The following PHF6 variants were observed in gnomAD, a reference collection of about 807,000 sequenced individuals.
PHF6 encodes the protein PHD finger protein 6, also known as PHD-like zinc finger protein.
PHF6 carries 7 observed loss-of-function variants against 34.0 expected under a neutral mutation model. The observed-to-expected ratio is 0.21, with a 90% CI of 0.12 to 0.39. PHF6 has a LOEUF of 0.39. PHF6 is among the 10% of genes least tolerant of loss of function. The probability of loss-of-function intolerance (pLI) is 1.00; values close to 1 mark genes in which losing one functional copy is unlikely to be tolerated. For synonymous variants in PHF6, 89 were observed against 88.4 expected (o/e 1.01, Z -0.04); for missense variants, 128 against 262.8 (o/e 0.49, Z 3.55).
At position 134,377,205 on chromosome X, in the gene PHF6, A is replaced by G. The variant is rs569974662; in HGVS notation, c.-46-367A>G. Among the ~76,000 whole-genome samples, 5 of 111,981 alleles carry G rather than the reference A, an allele frequency of 4.5e-5. No homozygotes were observed. The South Asian group carries it at 1.8e-3, about 41-fold the overall frequency. On this transcript the variant is annotated intron_variant, in intron 1 of 10. Coordinates refer to ENST00000370803, the MANE Select transcript of PHF6 (RefSeq NM_001015877.2). Reference sequence around the variant, plus strand: ...TTTGGAAGCAGTTTGATTTTTCTCAATTACTCTAAACTTCATTTAGCTGTC... The same window carrying G: ...TTTGGAAGCAGTTTGATTTTTCTCAGTTACTCTAAACTTCATTTAGCTGTC...
At chrX:134,393,878 T>G in intron 4 of PHF6, 31 bp from the exon 5 acceptor site, 1 of 1,180,011 alleles carries the variant, frequency 8.5e-7, no homozygotes, top group Non-Finnish European at 1.2e-6. Flanking sequence ...TTAGTTTGCT[T>G]ACTAATTTTT....
intron 5 of PHF6, among the ~76,000 whole-genome samples, chrX:134,411,215 G>C (rs754503825): frequency 9.0e-6 from 1 of 111,334 alleles, no homozygotes; most frequent in African/African-American, 3.3e-5. Context: ...GCCTCCCAAA[G>C]TACTGGGATT....
chrX:134,396,720 G>A (rs1477512696), intron 5 of PHF6, among the ~76,000 whole-genome samples: 3 of 110,643 alleles, frequency 2.7e-5, no homozygotes, highest in Non-Finnish European at 5.7e-5. Context: ...TTATCACATT[G>A]ATCTAGCTCA....
intron 5 of PHF6, among the ~76,000 whole-genome samples, chrX:134,404,460 G>T (rs1337774089): frequency 1.8e-5 from 2 of 112,149 alleles, no homozygotes; most frequent in African/African-American, 6.5e-5. Context: ...TCTTGAGATA[G>T]AGTGTACTTC....
At chrX:134,415,926 T>C in intron 8 of PHF6, among the ~76,000 whole-genome samples, 1 of 110,290 alleles carries the variant, frequency 9.1e-6, no homozygotes, top group Non-Finnish European at 1.9e-5. Flanking sequence ...CTAACCACAA[T>C]GTCATTATAC....
rs1246811630 is a variant in PHF6 at position 134,394,100 on chromosome X, A to G, written c.418+148A>G. ...AAGAATTGAGAAAAGTGTTAGGATA[A>G]ACTAATGTGCATAGTGAAAAAGATC... On this transcript the variant is annotated intron_variant, in intron 5 of 10. Transcript: ENST00000370803. 11 of 563,892 alleles carry G rather than the reference A, an allele frequency of 2.0e-5. No individual in the cohort carries two copies. In the East Asian group the frequency reaches 4.0e-4, roughly 21 times the overall value. 46.5% of individuals were successfully genotyped at this position (563,892 alleles called of 1,213,427 possible).
At chrX:134,412,011 C>T (rs957491638) in intron 5 of PHF6, among the ~76,000 whole-genome samples, 1 of 112,061 alleles carries the variant, frequency 8.9e-6, no homozygotes, top group East Asian at 2.8e-4. Context: ...GGATTACAGG[C>T]GTGAGCCACC....
chrX:134,413,726 G>A (rs1318372050), intron 6 of PHF6, 69 bp downstream of exon 6: 5 of 1,189,981 alleles, frequency 4.2e-6, no homozygotes, highest in Non-Finnish European at 5.7e-6. Flanking sequence ...ACTATCTATA[G>A]GTAAAGTTCA....
chrX:134,383,315 A>G (rs777467714), intron 3 of PHF6, among the ~76,000 whole-genome samples: 1 of 111,213 alleles, frequency 9.0e-6, no homozygotes, highest in African/African-American at 3.3e-5. Flanking sequence ...GTAACCTGAA[A>G]CAAGACCAGT....
chrX:134,415,852 C>CTTCG (rs1208626354), intron 8 of PHF6, among the ~76,000 whole-genome samples: 3 of 111,759 alleles, frequency 2.7e-5, no homozygotes, highest in African/African-American at 6.5e-5. Flanking sequence ...AGACCTCAGA[C>CTTCG]TTCGTATCAC....
chrX:134,390,945 C>T (rs1170728150), intron 3 of PHF6, among the ~76,000 whole-genome samples: 1 of 105,773 alleles, frequency 9.5e-6, no homozygotes, highest in South Asian at 4.3e-4. Context: ...TTTATTTAAA[C>T]ATTTTTCTTT....
rs2077475961 is a variant in PHF6, at chrX:134,417,369, G to T, written c.968+67G>T. 3 of 1,081,626 alleles carry T rather than the reference G, an allele frequency of 2.8e-6. No individual in the cohort carries two copies. The South Asian group carries it at 5.7e-5, about 21-fold the overall frequency. The allele number at this position is 1,081,626 out of a possible 1,213,427, so 89.1% of individuals were successfully genotyped here. On this transcript the variant is annotated intron_variant, in intron 9 of 10. Transcript: ENST00000370803. ...AACCGTCCTTAAATAGATGACATTA[G>T]TTTACTCAGTCTCTGTTCTTAAATG...
intron 1 of PHF6, among the ~76,000 whole-genome samples, chrX:134,374,678 C>G (rs772559368): frequency 8.9e-6 from 1 of 112,582 alleles, no homozygotes; most frequent in Non-Finnish European, 1.9e-5. Context: ...TGAATGCTCT[C>G]TCTGATGTTT....
chrX:134,395,783 A>G (rs2077374738), intron 5 of PHF6, among the ~76,000 whole-genome samples: 1 of 112,160 alleles, frequency 8.9e-6, no homozygotes, highest in Admixed American at 9.5e-5. Flanking sequence ...ATTAGTCCAG[A>G]TACTTTAAAG....
chrX:134,396,202 T>G (rs2077376824), intron 5 of PHF6, among the ~76,000 whole-genome samples: 1 of 111,680 alleles, frequency 9.0e-6, no homozygotes, highest in Non-Finnish European at 1.9e-5. Context: ...CAATCCAAGT[T>G]AAGCTGAGGA....
At chrX:134,390,966 C>CTTTTTTT (rs60513999) in intron 3 of PHF6, among the ~76,000 whole-genome samples, 2 of 92,814 alleles carry the variant, frequency 2.2e-5, no homozygotes, top group African/African-American at 3.9e-5. Context: ...TTCTTTTTTT[C>CTTTTTTT]TTTTTTTTTT....
intron 3 of PHF6, among the ~76,000 whole-genome samples, chrX:134,390,806 A>G (rs2077349798): frequency 9.0e-6 from 1 of 111,125 alleles, no homozygotes; most frequent in Non-Finnish European, 1.9e-5. Flanking sequence ...AGTTGGGTTC[A>G]TAATTCACAT....
At chrX:134,425,362 C>T in intron 10 of PHF6, 32 bp downstream of exon 10, 1 of 1,199,747 alleles carries the variant, frequency 8.3e-7, no homozygotes, top group Non-Finnish European at 1.1e-6. Context: ...GATCTGTTGT[C>T]AGGATACAAT....
intron 5 of PHF6, among the ~76,000 whole-genome samples, chrX:134,396,800 A>G (rs1198745148): frequency 1.8e-5 from 2 of 109,755 alleles, no homozygotes; most frequent in East Asian, 2.8e-4. Flanking sequence ...AATGGGAAAC[A>G]TATGTTCTCC....
Sources: gnomAD v4.1 joint callset for allele counts (sites outside exome capture counted in the v4.1 genomes callset) on GRCh38, gnomAD v4.1.1 for gene constraint, MANE v1.5 for transcripts, NCBI Gene and HGNC (gene_info 2026-07-23, HGNC 2026-07-21) for gene names.